The following PDE11A variants were observed in gnomAD, a reference collection of about 807,000 sequenced individuals.
PDE11A encodes the protein phosphodiesterase 11A.
PDE11A carries 100 observed loss-of-function variants against 100.5 expected under a neutral mutation model. The ratio of observed to expected loss-of-function variants is 1.00; its 90% CI spans 0.85 to 1.18. PDE11A has a LOEUF of 1.18. PDE11A is among the 50% of genes most tolerant of loss of function. The pLI is 0.00. For synonymous variants in PDE11A, 381 were observed against 420.8 expected (o/e 0.91, Z 1.16); for missense variants, 1,141 against 1,152.6 (o/e 0.99, Z 0.15).
chr2:177,647,860 C>G (rs2080247586), intron 19 of PDE11A, among the ~76,000 whole-genome samples: 1 of 152,176 alleles, frequency 6.6e-6, no homozygotes, highest in East Asian at 1.9e-4. Flanking sequence ...TAGCTCATGC[C>G]TGATCTTTGG....
intron 2 of PDE11A, among the ~76,000 whole-genome samples, chr2:178,091,175 A>T (rs1297940763): frequency 1.3e-5 from 2 of 152,102 alleles, no homozygotes; most frequent in Non-Finnish European, 2.9e-5. Context: ...GGCTCAAGCA[A>T]TTCTCCTGCC....
rs997758936 is a variant in PDE11A, at chr2:177,931,230, G to A, written c.1072-26043C>T. Among the ~76,000 whole-genome samples, 13 of 152,112 alleles carry A rather than the reference G, an allele frequency of 8.5e-5. No individual in the cohort carries two copies. The East Asian group carries it at 1.5e-3, about 18-fold the overall frequency. ...TCTCTAATTTTCTTTTGTTGTCAAC[G>A]TTCTATTTTATTTATTTTTAATTGA... On this transcript the variant is annotated intron_variant, in intron 2 of 19. Transcript: ENST00000286063.
intron 19 of PDE11A, among the ~76,000 whole-genome samples, chr2:177,634,018 T>C (rs6433681): frequency 0.99 from 150,157 of 152,298 alleles, 74,054 homozygotes; most frequent in East Asian, 1. Context: ...GAAATGATCT[T>C]AAAAGCAACA....
chr2:177,876,195 G>A (rs568703058), intron 4 of PDE11A, among the ~76,000 whole-genome samples: 1 of 152,264 alleles, frequency 6.6e-6, no homozygotes, highest in East Asian at 1.9e-4. Flanking sequence ...GAGCTATGGA[G>A]GTCAGGTAAA....
At chr2:177,730,232 A>C (rs1310186029) in intron 10 of PDE11A, among the ~76,000 whole-genome samples, 1 of 151,784 alleles carries the variant, frequency 6.6e-6, no homozygotes, top group Non-Finnish European at 1.5e-5. Flanking sequence ...CTCCCTCCCC[A>C]CACCCCACGA....
At chr2:178,073,689 C>T (rs528330408), upstream of PDE11A, among the ~76,000 whole-genome samples, 41 of 152,174 alleles carry the variant, frequency 2.7e-4, no homozygotes, top group South Asian at 3.7e-3. Context: ...TCTAAGGTGA[C>T]GATGTATGGA....
intron 16 of PDE11A, chr2:177,675,816 G>A (rs1174784254): frequency 4.0e-6 from 2 of 496,080 alleles, no homozygotes; most frequent in Non-Finnish European, 3.8e-6. Context: ...AGCAAGCTCT[G>A]CTTAAAATAA....
At chr2:177,805,199 A>G (rs1020618543) in intron 9 of PDE11A, among the ~76,000 whole-genome samples, 2 of 152,070 alleles carry the variant, frequency 1.3e-5, no homozygotes, top group Non-Finnish European at 2.9e-5. Flanking sequence ...TGTTTTAAAT[A>G]TATATCCTTA....
chr2:177,882,827 T>C (rs1335685188), intron 4 of PDE11A, among the ~76,000 whole-genome samples: 2 of 152,166 alleles, frequency 1.3e-5, no homozygotes, highest in Non-Finnish European at 2.9e-5. Flanking sequence ...TCTTTTAACT[T>C]AAAAACAAGT....
chr2:178,021,050 C>T (rs1000391466), intron 1 of PDE11A, among the ~76,000 whole-genome samples: 2 of 151,524 alleles, frequency 1.3e-5, no homozygotes, highest in African/African-American at 4.9e-5. Context: ...CAACCACCAC[C>T]TCCCAGGGTC....
At chr2:178,004,578 T>C (rs910161648) in intron 2 of PDE11A, among the ~76,000 whole-genome samples, 2 of 152,352 alleles carry the variant, frequency 1.3e-5, no homozygotes, top group Middle Eastern at 6.8e-3. Context: ...AATTTATTTC[T>C]AATCTACAGT....
chr2:177,990,444 T>G (rs1295995205), intron 2 of PDE11A, among the ~76,000 whole-genome samples: 1 of 151,958 alleles, frequency 6.6e-6, no homozygotes. Context: ...GGGGGATAGT[T>G]TCAAAAAGTA....
At chr2:177,764,648 T>C (rs1465804291) in intron 10 of PDE11A, among the ~76,000 whole-genome samples, 1 of 152,240 alleles carries the variant, frequency 6.6e-6, no homozygotes, top group Non-Finnish European at 1.5e-5. Flanking sequence ...GTGGTCTTTA[T>C]ACATTATTCC....
chr2:177,807,438 T>A (rs144201835), intron 9 of PDE11A, among the ~76,000 whole-genome samples: 2,756 of 137,222 alleles, frequency 0.02, 83 homozygotes, highest in African/African-American at 0.075. Flanking sequence ...ATTTTATTTT[T>A]TTGAGACGGG....
At chr2:177,812,388 G>C (rs986009765) in intron 9 of PDE11A, among the ~76,000 whole-genome samples, 4 of 152,012 alleles carry the variant, frequency 2.6e-5, no homozygotes, top group African/African-American at 7.3e-5. Context: ...CTTTTGCATG[G>C]ATAAAGTTAG....
chr2:177,727,786 T>A, intron 11 of PDE11A, 21 bp from the exon 12 acceptor site: 1 of 1,416,156 alleles, frequency 7.1e-7, no homozygotes, highest in African/African-American at 1.4e-5. Context: ...AGGGAGAGGG[T>A]GCGTCAGGCA....
At position 177,701,218 on chromosome 2, in the gene PDE11A, G is replaced by C. The variant is rs780283373; in HGVS notation, c.2154-7C>G. On this transcript the variant is annotated splice_polypyrimidine_tract_variant and splice_region_variant and intron_variant, in intron 13 of 19. Transcript: ENST00000286063. ...GGCCAGGGCAGAGCCACTCCTGAAAGAGGACAGAGGGTGAGTGAGCAGGGC... is the reference window on the plus strand; with the variant it reads ...GGCCAGGGCAGAGCCACTCCTGAAACAGGACAGAGGGTGAGTGAGCAGGGC... 1 of 1,422,554 alleles carries C rather than the reference G, an allele frequency of 7.0e-7. No individual in the cohort carries two copies. The highest frequency in any genetic ancestry group is 9.9e-7 in the Non-Finnish European group (1 of 1,005,428). The allele number at this position is 1,422,554 out of a possible 1,614,324, so 88.1% of individuals were successfully genotyped here. A position where few individuals can be genotyped will look rare whatever the true frequency, so the allele number is the denominator to read the frequency against.
rs73977677 is a variant in PDE11A at position 177,629,238 on chromosome 2, G to A, written c.*169C>T. The A allele has an allele frequency of 0.012, 8,348 of 692,274 alleles. 418 individuals carry two copies. Among genetic ancestry groups the A allele is most frequent in the African/African-American group, 0.11 (6,565 of 57,096 alleles). 42.9% of individuals were successfully genotyped at this position (692,274 alleles called of 1,614,324 possible). ...CACCTCTTTCTTTGTCCTTCCCGTT[G>A]CTCTCTCTGCTGCTGACCATGCTTC... is the stretch of plus-strand genomic sequence containing the variant. On this transcript the variant is annotated 3_prime_UTR_variant, in exon 20 of 20. Coordinates refer to ENST00000286063, the MANE Select transcript of PDE11A (RefSeq NM_016953.4).
chr2:177,701,171 T>C lies in PDE11A; in HGVS notation c.2194A>G (p.Thr732Ala), dbSNP rs1326612124. The C allele has an allele frequency of 6.2e-7, 1 of 1,608,218 alleles. No individual in the cohort carries two copies. Among genetic ancestry groups the C allele is most frequent in the East Asian group, 2.2e-5 (1 of 44,842 alleles). ...ALAQLYGTSA[T>A]LEHHHFNHAV... ...TGGTTGAAATGGTGATGCTCCAAGGTAGCAGAGGTTCCATAGAGTTGGGCC... is the reference window on the plus strand; with the variant it reads ...TGGTTGAAATGGTGATGCTCCAAGGCAGCAGAGGTTCCATAGAGTTGGGCC... Residue 732 changes from threonine (T) to alanine (A), a missense_variant, in exon 14 of 20, where the codon ACC (threonine) becomes GCC (alanine). Coordinates refer to ENST00000286063, the MANE Select transcript of PDE11A (RefSeq NM_016953.4).
Sources: allele counts gnomAD v4.1 joint callset (sites outside exome capture counted in the v4.1 genomes callset), GRCh38; gene constraint gnomAD v4.1.1; transcripts MANE v1.5; gene names NCBI Gene and HGNC (gene_info 2026-07-23, HGNC 2026-07-21).